DNAJC1: variants seen among roughly 807,000 people sequenced by gnomAD.
DNAJC1 encodes the protein DnaJ heat shock protein family (Hsp40) member C1.
A neutral mutation model predicts 76.6 loss-of-function variants in DNAJC1; 58 were observed. The ratio of observed to expected loss-of-function variants is 0.76; its 90% confidence interval spans 0.61 to 0.94. The LOEUF (loss-of-function observed/expected upper bound fraction) is 0.94. Among genes scored for constraint, DNAJC1 ranks in the 40% least tolerant of loss-of-function variants. The pLI is 0.00. For missense variants in DNAJC1, 689 were observed against 677.3 expected (o/e 1.02, Z -0.19); for synonymous variants, 258 against 267.9 (o/e 0.96, Z 0.36).
intron 1 of DNAJC1, among the ~76,000 whole-genome samples, chr10:21,933,996 T>TA (rs1352233510): frequency 3.3e-5 from 5 of 151,892 alleles, no homozygotes; most frequent in Admixed American, 6.6e-5. Flanking sequence ...GAGGGAAATT[T>TA]AAAAAAAATT....
chr10:21,894,808 G>C (rs1836514560), intron 7 of DNAJC1, among the ~76,000 whole-genome samples: 1 of 152,186 alleles, frequency 6.6e-6, no homozygotes, highest in Non-Finnish European at 1.5e-5. Context: ...CCTTACAAAA[G>C]AGGCTTCACA....
chr10:21,777,265 G>A (rs1470174183), intron 9 of DNAJC1, among the ~76,000 whole-genome samples: 1 of 152,094 alleles, frequency 6.6e-6, no homozygotes, highest in Non-Finnish European at 1.5e-5. Context: ...TACAAATTCA[G>A]TATACTAGTA....
intron 9 of DNAJC1, among the ~76,000 whole-genome samples, chr10:21,777,160 A>C (rs1259753222): frequency 6.6e-6 from 1 of 152,202 alleles, no homozygotes; most frequent in Non-Finnish European, 1.5e-5. Context: ...TAGTATTCAA[A>C]GTGTATGTGA....
chr10:21,762,035 G>C (rs1417262267), intron 10 of DNAJC1, among the ~76,000 whole-genome samples: 1 of 152,160 alleles, frequency 6.6e-6, no homozygotes, highest in Non-Finnish European at 1.5e-5. Flanking sequence ...AGCCTCTCGA[G>C]TAGCTGGGAC....
intron 6 of DNAJC1, among the ~76,000 whole-genome samples, chr10:21,909,872 C>A (rs562640873): frequency 6.6e-6 from 1 of 152,300 alleles, no homozygotes; most frequent in East Asian, 1.9e-4. Context: ...CCAGAATGCC[C>A]ACTTTCCTAT....
At chr10:21,781,286 A>G (rs963606435) in intron 9 of DNAJC1, among the ~76,000 whole-genome samples, 1 of 152,220 alleles carries the variant, frequency 6.6e-6, no homozygotes, top group East Asian at 1.9e-4. Flanking sequence ...AATCATATAC[A>G]TTCTTCTCAG....
At chr10:21,946,835 A>G (rs879264835) in intron 1 of DNAJC1, among the ~76,000 whole-genome samples, 6 of 152,186 alleles carry the variant, frequency 3.9e-5, no homozygotes, top group African/African-American at 7.2e-5. Flanking sequence ...TCCCCCTGAA[A>G]GCATGTGTTG....
intron 8 of DNAJC1, among the ~76,000 whole-genome samples, chr10:21,845,693 A>G (rs1038656409): frequency 6.6e-6 from 1 of 152,170 alleles, no homozygotes; most frequent in Non-Finnish European, 1.5e-5. Context: ...TTAGAAGTAT[A>G]AAGTATTAAT....
chr10:21,851,496 T>C (rs1310205845), intron 8 of DNAJC1, among the ~76,000 whole-genome samples: 1 of 152,062 alleles, frequency 6.6e-6, no homozygotes, highest in East Asian at 1.9e-4. Context: ...CAAGTGAAGG[T>C]GAGAATATGG....
intron 1 of DNAJC1, among the ~76,000 whole-genome samples, chr10:21,943,683 T>G (rs1016788579): frequency 6.6e-6 from 1 of 152,194 alleles, no homozygotes; most frequent in Non-Finnish European, 1.5e-5. Flanking sequence ...AATCTTGTTC[T>G]TGGCTGTCTC....
chr10:21,837,487 C>A (rs1174864812), intron 8 of DNAJC1, among the ~76,000 whole-genome samples: 10 of 151,450 alleles, frequency 6.6e-5, no homozygotes, highest in Non-Finnish European at 4.4e-5. Context: ...CCCGGCCGCC[C>A]ATCGTCTGAG....
intron 1 of DNAJC1, among the ~76,000 whole-genome samples, chr10:21,963,696 C>G (rs1011182359): frequency 1.3e-5 from 2 of 152,128 alleles, no homozygotes; most frequent in African/African-American, 4.8e-5. Flanking sequence ...TTAAGTATGT[C>G]TCTTATAAAC....
At chr10:21,950,911 T>C (rs548271461) in intron 1 of DNAJC1, among the ~76,000 whole-genome samples, 1 of 152,086 alleles carries the variant, frequency 6.6e-6, no homozygotes, top group South Asian at 2.1e-4. Context: ...CTAGCAGAAG[T>C]TGGATCACGA....
At chr10:21,971,135 G>A (rs920814612) in intron 1 of DNAJC1, among the ~76,000 whole-genome samples, 1 of 151,568 alleles carries the variant, frequency 6.6e-6, no homozygotes, top group Admixed American at 6.6e-5. Flanking sequence ...GGACACATAA[G>A]TATATATGAG....
At chr10:21,949,904 G>A (rs1458245304) in intron 1 of DNAJC1, among the ~76,000 whole-genome samples, 1 of 152,024 alleles carries the variant, frequency 6.6e-6, no homozygotes, top group South Asian at 2.1e-4. Flanking sequence ...GAACTGGGTT[G>A]ATTTCATTCA....
chr10:21,908,961 C>T (rs1027888247), intron 6 of DNAJC1, among the ~76,000 whole-genome samples: 2 of 152,106 alleles, frequency 1.3e-5, no homozygotes, highest in African/African-American at 2.4e-5. Context: ...TCTCAGCTCA[C>T]TGCAACCTCC....
At chr10:21,801,583 C>T (rs1449559312) in intron 9 of DNAJC1, among the ~76,000 whole-genome samples, 1 of 152,068 alleles carries the variant, frequency 6.6e-6, no homozygotes, top group Non-Finnish European at 1.5e-5. Flanking sequence ...GGCGATTCCT[C>T]AAAGAGCTAA....
In DNAJC1 at chr10:21,910,461, G is replaced by C. The variant is rs1836836378; in HGVS notation, c.730-5849C>G. On this transcript the variant is annotated intron_variant, in intron 6 of 11. Coordinates refer to ENST00000376980, the MANE Select transcript of DNAJC1 (RefSeq NM_022365.4). ...AGTGATAAGAGAACATGCTAAGGTG[G>C]CACTGTTTATAATGTTTTGGTTCAC... Among the ~76,000 whole-genome samples, 4 of 152,164 alleles carry C rather than the reference G, an allele frequency of 2.6e-5. No homozygotes were observed. In the South Asian group the frequency reaches 8.3e-4, roughly 32 times the overall value.
intron 8 of DNAJC1, among the ~76,000 whole-genome samples, chr10:21,806,534 A>C (rs542688617): frequency 8.6e-4 from 131 of 152,236 alleles, no homozygotes; most frequent in Non-Finnish European, 1.5e-3. Context: ...ACACACTTTA[A>C]AGAAAGCAAA....
Sources: allele counts gnomAD v4.1 joint callset (sites outside exome capture counted in the v4.1 genomes callset), GRCh38; gene constraint gnomAD v4.1.1; transcripts MANE v1.5; gene names NCBI Gene and HGNC (gene_info 2026-07-23, HGNC 2026-07-21).